B3GALT1: variants seen among roughly 807,000 people sequenced by gnomAD.
The protein encoded by B3GALT1 is beta-1,3-galactosyltransferase 1.
Under a neutral mutation model 23.2 loss-of-function variants are expected in B3GALT1, and 10 were observed. The ratio of observed to expected loss-of-function variants is 0.43; its 90% CI spans 0.27 to 0.73. The LOEUF is 0.73. B3GALT1 is among the 30% of genes least tolerant of loss of function. The pLI, the probability that B3GALT1 is intolerant of heterozygous loss-of-function variation, is 0.21. For missense variants in B3GALT1, 299 were observed against 405.4 expected (o/e 0.74, Z 2.25); for synonymous variants, 156 against 141.5 (o/e 1.10, Z -0.73).
intron 2 of B3GALT1, among the ~76,000 whole-genome samples, chr2:167,583,669 A>G (rs114874770): frequency 0.023 from 3,435 of 146,832 alleles, 59 homozygotes; most frequent in African/African-American, 0.045. Context: ...ATTGCATTTG[A>G]TATTGATCAT....
chr2:167,649,437 T>G (rs1214673347), intron 3 of B3GALT1, among the ~76,000 whole-genome samples: 1 of 152,104 alleles, frequency 6.6e-6, no homozygotes. Context: ...GGAAACCCAG[T>G]ATCCATTAAA....
In B3GALT1 at chr2:167,827,483, G is replaced by A. The variant is rs146058730; in HGVS notation, c.-230+8690G>A. On this transcript the variant is annotated intron_variant, in intron 4 of 4. Coordinates refer to ENST00000392690, the MANE Select transcript of B3GALT1 (RefSeq NM_020981.4). ...TGCATTGGTCTAGACTGGCACCTAG[G>A]TGAGACTGAATGGGCAACATGAAGC... 2.2e-3 allele frequency among the ~76,000 whole-genome samples: 338 copies of A among 152,276 alleles called. 13 individuals are homozygous for A. The East Asian group carries it at 0.053, about 24-fold the overall frequency.
At chr2:167,789,274 CATT>C (rs1180657321) in intron 3 of B3GALT1, among the ~76,000 whole-genome samples, 2 of 152,034 alleles carry the variant, frequency 1.3e-5, no homozygotes, top group Non-Finnish European at 2.9e-5. Context: ...GTCCTGAGCT[CATT>C]ATTTATACAA....
At chr2:167,621,777 C>T (rs575141033) in intron 2 of B3GALT1, among the ~76,000 whole-genome samples, 157 of 152,110 alleles carry the variant, frequency 1.0e-3, no homozygotes, top group Non-Finnish European at 1.8e-3. Flanking sequence ...GGGCTCTTCT[C>T]CCTTTGCTTG....
At chr2:167,388,005 T>G (rs1003327874) in intron 1 of B3GALT1, among the ~76,000 whole-genome samples, 1 of 152,196 alleles carries the variant, frequency 6.6e-6, no homozygotes, top group African/African-American at 2.4e-5. Flanking sequence ...AATAAAAATA[T>G]AAAACAAATA....
At chr2:167,458,000 G>A (rs1301754898) in intron 1 of B3GALT1, among the ~76,000 whole-genome samples, 2 of 152,110 alleles carry the variant, frequency 1.3e-5, no homozygotes, top group Admixed American at 1.3e-4. Context: ...CAATTTTACA[G>A]TATGCAATTC....
chr2:167,566,217 T>C (rs1275144527), intron 2 of B3GALT1, among the ~76,000 whole-genome samples: 5 of 152,024 alleles, frequency 3.3e-5, no homozygotes, highest in Non-Finnish European at 5.9e-5. Flanking sequence ...TGGATGAAAT[T>C]GAAAATCATC....
intron 1 of B3GALT1, among the ~76,000 whole-genome samples, chr2:167,393,213 G>A (rs1004153512): frequency 2.7e-5 from 4 of 149,910 alleles, no homozygotes; most frequent in South Asian, 2.1e-4. Flanking sequence ...CAGCCTGGGC[G>A]ACAGAGCGAG....
intron 3 of B3GALT1, among the ~76,000 whole-genome samples, chr2:167,769,803 T>C (rs1688041900): frequency 6.6e-6 from 1 of 152,228 alleles, no homozygotes; most frequent in South Asian, 2.1e-4. Flanking sequence ...TTTATTTATC[T>C]ATTCCTCAGC....
intron 2 of B3GALT1, among the ~76,000 whole-genome samples, chr2:167,536,449 A>C (rs1227127): frequency 6.6e-6 from 1 of 152,018 alleles, no homozygotes; most frequent in African/African-American, 2.4e-5. Context: ...AATGCAGACT[A>C]GGAAACATTT....
rs576252328 is a variant in B3GALT1 at position 167,318,212 on chromosome 2, A to G, written c.-511+24878A>G. ...TGTGGTGGCGGGCGCCTGTAATCCC[A>G]GCTACTCGGAGGCTGAGGCAGAGAA... On this transcript the variant is annotated intron_variant, in intron 1 of 4. Transcript: ENST00000392690. 3.3e-5 allele frequency among the ~76,000 whole-genome samples: 5 copies of G among 152,094 alleles called. No individual in the cohort carries two copies. In the South Asian group the frequency reaches 1.0e-3, roughly 32 times the overall value.
At chr2:167,714,169 T>A (rs1687106286) in intron 3 of B3GALT1, 1 of 1,517,794 alleles carries the variant, frequency 6.6e-7, no homozygotes, top group Admixed American at 1.7e-5. Context: ...GTCCAGACAG[T>A]CTATCAGAAT....
intron 2 of B3GALT1, among the ~76,000 whole-genome samples, chr2:167,590,583 A>T (rs1684663035): frequency 6.6e-6 from 1 of 152,152 alleles, no homozygotes; most frequent in African/African-American, 2.4e-5. Context: ...AAAAGCTTTC[A>T]AGAGAGTCTC....
At chr2:167,514,000 G>A (rs549959921) in intron 2 of B3GALT1, among the ~76,000 whole-genome samples, 48 of 152,184 alleles carry the variant, frequency 3.2e-4, no homozygotes, top group South Asian at 6.2e-4. Context: ...TCCGCCTCCC[G>A]GGTTCATGCC....
intron 1 of B3GALT1, among the ~76,000 whole-genome samples, chr2:167,356,882 G>T (rs73017792): frequency 1.3e-5 from 2 of 151,798 alleles, no homozygotes; most frequent in African/African-American, 4.8e-5. Flanking sequence ...CTTGGTTCAC[G>T]TATAGTCAGA....
chr2:167,564,898 G>C (rs1241456173), intron 2 of B3GALT1, among the ~76,000 whole-genome samples: 2 of 152,174 alleles, frequency 1.3e-5, no homozygotes, highest in Non-Finnish European at 2.9e-5. Flanking sequence ...TCATGGGTAG[G>C]AAGAATCAAT....
chr2:167,376,424 CTCT>C (rs1697763658), intron 1 of B3GALT1, among the ~76,000 whole-genome samples: 1 of 152,106 alleles, frequency 6.6e-6, no homozygotes, highest in East Asian at 1.9e-4. Flanking sequence ...TTGGTACCAG[CTCT>C]TCTTTGTGCA....
intron 1 of B3GALT1, among the ~76,000 whole-genome samples, chr2:167,420,644 C>G (rs988602912): frequency 2.6e-5 from 4 of 152,162 alleles, no homozygotes; most frequent in African/African-American, 9.7e-5. Context: ...TTACCTCATG[C>G]CTAGCATGGC....
At chr2:167,687,505 AAGAAG>A (rs1174994251) in intron 3 of B3GALT1, among the ~76,000 whole-genome samples, 1 of 152,194 alleles carries the variant, frequency 6.6e-6, no homozygotes, top group Non-Finnish European at 1.5e-5. Flanking sequence ...GAAAGAAAAG[AAGAAG>A]AGAAGAGAGG....
Sources: gnomAD v4.1 joint callset for allele counts (sites outside exome capture counted in the v4.1 genomes callset) on GRCh38, gnomAD v4.1.1 for gene constraint, MANE v1.5 for transcripts, NCBI Gene and HGNC (gene_info 2026-07-23, HGNC 2026-07-21) for gene names.